The following LIAT1 variants were observed in gnomAD, a reference collection of about 807,000 sequenced individuals.
LIAT1 encodes ligand of ATE1.
At chr17:410,820 G>A in the LIAT1 span, among the ~76,000 whole-genome samples, 1 of 151,784 alleles carries the variant, frequency 6.6e-6, no homozygotes, top group African/African-American at 2.4e-5. Flanking sequence ...AGCCCCACCC[G>A]TGGAGACCAT....
At chr17:413,477 C>G in the LIAT1 span, 1 of 1,555,362 alleles carries the variant, frequency 6.4e-7, no homozygotes, top group South Asian at 1.2e-5. Flanking sequence ...CCCCGAGGCC[C>G]TCAAGGGCTT....
the LIAT1 span, chr17:413,384 G>T: frequency 1.9e-5 from 31 of 1,614,142 alleles, no homozygotes; most frequent in Non-Finnish European, 2.6e-5. Flanking sequence ...TGACCCGGAG[G>T]CAGAGAAGGA....
chr17:414,243 G>C, the LIAT1 span: 2 of 1,196,728 alleles, frequency 1.7e-6, no homozygotes, highest in Non-Finnish European at 2.3e-6. The surrounding 1 kb of genome is among the most constrained non-coding windows in gnomAD (Gnocchi z 4.1). Flanking sequence ...CACGGACGAC[G>C]CCGACTCTCC....
At chr17:412,946 A>G in the LIAT1 span, among the ~76,000 whole-genome samples, 1 of 152,242 alleles carries the variant, frequency 6.6e-6, no homozygotes, top group South Asian at 2.1e-4. Context: ...TGTGTGCTCA[A>G]TGAATGGTTC....
the LIAT1 span, chr17:413,414 C>T: frequency 8.7e-6 from 14 of 1,614,242 alleles, no homozygotes; most frequent in Non-Finnish European, 1.1e-5. Flanking sequence ...CATCTATAAA[C>T]TGAATCGGAG....
At chr17:410,394 G>C in the LIAT1 span, 2 of 1,525,368 alleles carry the variant, frequency 1.3e-6, no homozygotes, top group East Asian at 4.9e-5. Context: ...TCGCCGATTA[G>C]TCGGCATCGG....
the LIAT1 span, among the ~76,000 whole-genome samples, chr17:411,716 C>G: frequency 6.6e-6 from 1 of 152,198 alleles, no homozygotes; most frequent in Non-Finnish European, 1.5e-5. Flanking sequence ...AAACCCCAGT[C>G]CCTACATCTC....
chr17:414,002 A>G, the LIAT1 span: 1 of 1,614,244 alleles, frequency 6.2e-7, no homozygotes, highest in Non-Finnish European at 8.5e-7. The surrounding 1 kb of genome is among the most constrained non-coding windows in gnomAD (Gnocchi z 4.1). Flanking sequence ...CAAAGATGGC[A>G]GCTCCAGCCA....
chr17:414,156 AC>A, the LIAT1 span: 2 of 1,583,680 alleles, frequency 1.3e-6, no homozygotes, highest in Non-Finnish European at 1.7e-6. This position sits in a 1 kb window ranked among gnomAD's most constrained non-coding sequence, Gnocchi z 4.1. Context: ...ATTCCTCCTC[AC>A]CACAAGTTTA....
chr17:414,242 C>A, the LIAT1 span: 1 of 1,196,306 alleles, frequency 8.4e-7, no homozygotes, highest in Non-Finnish European at 1.2e-6. The surrounding 1 kb of genome is among the most constrained non-coding windows in gnomAD (Gnocchi z 4.1). Flanking sequence ...ACACGGACGA[C>A]GCCGACTCTC....
At chr17:410,511 G>T in the LIAT1 span, 1 of 1,545,432 alleles carries the variant, frequency 6.5e-7, no homozygotes, top group South Asian at 1.2e-5. Flanking sequence ...CGAGGAGGAG[G>T]AGCGGGAGGG....
At chr17:413,092 C>A in the LIAT1 span, 1 of 1,579,174 alleles carries the variant, frequency 6.3e-7, no homozygotes, top group South Asian at 1.2e-5. Context: ...GCACCATCCC[C>A]AGCAGGCCAA....
chr17:413,305 C>A, the LIAT1 span: 3 of 1,614,248 alleles, frequency 1.9e-6, no homozygotes, highest in Non-Finnish European at 2.5e-6. Flanking sequence ...TCAGCCTCCC[C>A]GACTTTGCCG....
chr17:412,684 A>G, the LIAT1 span, among the ~76,000 whole-genome samples: 11 of 152,164 alleles, frequency 7.2e-5, no homozygotes, highest in African/African-American at 2.7e-4. Context: ...TCCTTCCATC[A>G]TAAAGTGTCT....
the LIAT1 span, chr17:413,119 A>T: frequency 4.7e-5 from 75 of 1,604,242 alleles, no homozygotes; most frequent in Non-Finnish European, 5.5e-5. Flanking sequence ...ACATTGCCAC[A>T]AACACTAACC....
chr17:410,343 A>G, the LIAT1 span: 9 of 1,472,882 alleles, frequency 6.1e-6, no homozygotes, highest in Non-Finnish European at 8.0e-6. Context: ...GGTGGTCGCC[A>G]TGGAGACGCG....
chr17:411,179 G>T, the LIAT1 span, among the ~76,000 whole-genome samples: 1 of 152,132 alleles, frequency 6.6e-6, no homozygotes, highest in African/African-American at 2.4e-5. Context: ...CGCTGCATGG[G>T]CTCCCCCTCG....
the LIAT1 span, chr17:410,665 C>T: frequency 1.3e-6 from 2 of 1,536,080 alleles, no homozygotes; most frequent in South Asian, 1.2e-5. Flanking sequence ...AGCAGCTAGC[C>T]CGGCTGCGTC....
chr17:411,797 G>A, the LIAT1 span, among the ~76,000 whole-genome samples: 1 of 152,180 alleles, frequency 6.6e-6, no homozygotes, highest in East Asian at 1.9e-4. Context: ...AGGAGAGAGA[G>A]CACAGCAGTG....
Sources: gnomAD v4.1 joint callset for allele counts (sites outside exome capture counted in the v4.1 genomes callset) on GRCh38, gnomAD v4.1.1 for gene constraint, Gnocchi (gnomAD v3.1) non-coding constraint, MANE v1.5 for transcripts, NCBI Gene and HGNC (gene_info 2026-07-23, HGNC 2026-07-21) for gene names.